The following CACNA1C variants were observed in gnomAD, a reference collection of about 807,000 sequenced individuals.
The protein encoded by CACNA1C is voltage-dependent L-type calcium channel subunit alpha-1C.
A neutral mutation model predicts 229.0 loss-of-function variants in CACNA1C; 30 were observed. The ratio of observed to expected loss-of-function variants is 0.13; its 90% CI spans 0.10 to 0.18. The LOEUF (loss-of-function observed/expected upper bound fraction) is 0.18. Among genes scored for constraint, CACNA1C ranks in the 10% least tolerant of loss-of-function variants. The probability of loss-of-function intolerance (pLI) is 1.00; values close to 1 mark genes in which losing one functional copy is unlikely to be tolerated. For missense variants in CACNA1C, 1,658 were observed against 2,845.0 expected (o/e 0.58, Z 9.49); for synonymous variants, 1,114 against 1,132.5 (o/e 0.98, Z 0.33).
intron 3 of CACNA1C, among the ~76,000 whole-genome samples, chr12:2,208,643 C>A (rs1424560210): frequency 6.6e-6 from 1 of 152,174 alleles, no homozygotes; most frequent in African/African-American, 2.4e-5. Context: ...TATTTACCAA[C>A]CCATACAGTG....
chr12:2,498,904 A>G (rs1010271333), intron 7 of CACNA1C, among the ~76,000 whole-genome samples: 4 of 152,078 alleles, frequency 2.6e-5, no homozygotes, highest in African/African-American at 9.7e-5. Flanking sequence ...ACAGCTCCCA[A>G]CCTCCCACAT....
At chr12:2,513,873 CA>C (rs1301682090) in intron 9 of CACNA1C, among the ~76,000 whole-genome samples, 1 of 152,182 alleles carries the variant, frequency 6.6e-6, no homozygotes, top group East Asian at 1.9e-4. Flanking sequence ...GATCAAGATG[CA>C]TAGTAAATTT....
At chr12:1,972,484 T>TA (rs568541883) in intron 1 of CACNA1C, among the ~76,000 whole-genome samples, 83 of 151,916 alleles carry the variant, frequency 5.5e-4, no homozygotes, top group Non-Finnish European at 1.0e-3. Flanking sequence ...CCAAGATATT[T>TA]AAAAAAAACA....
chr12:2,308,854 A>G (rs187260470), intron 3 of CACNA1C, among the ~76,000 whole-genome samples: 2 of 152,358 alleles, frequency 1.3e-5, no homozygotes, highest in East Asian at 3.9e-4. Context: ...TGATGAGGAT[A>G]TGAAAACAAG....
At chr12:2,113,346 A>G (rs1037309729) in intron 1 of CACNA1C, among the ~76,000 whole-genome samples, 3 of 152,186 alleles carry the variant, frequency 2.0e-5, no homozygotes, top group African/African-American at 4.8e-5. Flanking sequence ...AGCAGGTCAC[A>G]TGGGGAGCAA....
intron 3 of CACNA1C, among the ~76,000 whole-genome samples, chr12:2,160,819 T>A (rs905799950): frequency 1.1e-4 from 16 of 152,224 alleles, no homozygotes; most frequent in Non-Finnish European, 1.8e-4. Context: ...GGTTATTTTT[T>A]ATTTTATTAT....
chr12:2,415,756 C>T (rs2098882615), intron 3 of CACNA1C, among the ~76,000 whole-genome samples: 1 of 152,158 alleles, frequency 6.6e-6, no homozygotes, highest in African/African-American at 2.4e-5. Flanking sequence ...GCAGCTAATG[C>T]AGGAGTCCCC....
In CACNA1C at chr12:2,104,113, G is replaced by A. The variant is rs144559871; in HGVS notation, c.50-11111G>A. On this transcript the variant is annotated intron_variant, in intron 1 of 46. Transcript: ENST00000399655. ...AAGTAGTTTTTTCCAATTCTGTGAG[G>A]AAAGTCAACGGTAGCTTGATAAGGA... 6.3e-3 allele frequency among the ~76,000 whole-genome samples: 960 copies of A among 152,310 alleles called. 11 individuals carry two copies. Among genetic ancestry groups the A allele is most frequent in the African/African-American group, 0.022 (925 of 41,556 alleles).
chr12:2,513,918 T>G (rs965606701), intron 9 of CACNA1C, among the ~76,000 whole-genome samples: 1 of 152,244 alleles, frequency 6.6e-6, no homozygotes, highest in Non-Finnish European at 1.5e-5. Flanking sequence ...CCACTCTCTA[T>G]ATCTCATTTG....
At chr12:2,360,838 T>C (rs2097540109) in intron 3 of CACNA1C, among the ~76,000 whole-genome samples, 1 of 152,176 alleles carries the variant, frequency 6.6e-6, no homozygotes. Flanking sequence ...ATTCAATGTT[T>C]TTTTTTTCTT....
rs2087682026 is a variant in CACNA1C, at chr12:2,275,858, C to T, written c.477+155428C>T. 6.6e-6 allele frequency among the ~76,000 whole-genome samples: 1 copy of T among 151,066 alleles called. No homozygotes were observed. The highest frequency in any genetic ancestry group is 2.1e-4 in the South Asian group (1 of 4,744). On this transcript the variant is annotated intron_variant, in intron 3 of 46. Coordinates refer to ENST00000399655, the MANE Select transcript of CACNA1C (RefSeq NM_000719.7). This position sits in a 1 kb window ranked among gnomAD's most constrained non-coding sequence, Gnocchi z 4.1. The stretch of plus-strand genomic sequence containing the variant: ...TTGGTGAAGCTTGTCTGCAGCGAGC[C>T]CTCAAAAAACATGGGTTTTGAGCCA...
At chr12:2,158,198 A>G (rs1335287363) in intron 3 of CACNA1C, among the ~76,000 whole-genome samples, 1 of 152,238 alleles carries the variant, frequency 6.6e-6, no homozygotes, top group Non-Finnish European at 1.5e-5. Flanking sequence ...GAAATGGCTC[A>G]TTAAGTGCCC....
At chr12:2,002,299 T>C (rs545751797) in intron 1 of CACNA1C, among the ~76,000 whole-genome samples, 1 of 152,340 alleles carries the variant, frequency 6.6e-6, no homozygotes, top group African/African-American at 2.4e-5. Flanking sequence ...CCATCCACAG[T>C]GACAGCACAT....
chr12:2,667,014 C>T (rs1260519383), intron 37 of CACNA1C, among the ~76,000 whole-genome samples: 1 of 152,196 alleles, frequency 6.6e-6, no homozygotes, highest in African/African-American at 2.4e-5. Flanking sequence ...TTCAGTCCAT[C>T]CCACTGCACC....
Position 2,639,110 on chromosome 12 carries a change from G to A in CACNA1C, c.3912+4730G>A, listed in dbSNP as rs925247982. Among the ~76,000 whole-genome samples, 3 of 152,210 alleles carry A rather than the reference G, an allele frequency of 2.0e-5. No homozygotes were observed. The highest frequency in any genetic ancestry group is 2.0e-4 in the Admixed American group (3 of 15,286). ...AAGAGGACCGTCTTCAGGCCCCCTC[G>A]TGCGGTCATGCTGAATTCAGCCTCA... On this transcript the variant is annotated intron_variant, in intron 30 of 46. Transcript: ENST00000399655. The surrounding 1 kb of genome is among the most constrained non-coding windows in gnomAD (Gnocchi z 4.2).
At chr12:2,571,961 C>G (rs1397136172) in intron 13 of CACNA1C, among the ~76,000 whole-genome samples, 4 of 151,888 alleles carry the variant, frequency 2.6e-5, no homozygotes, top group African/African-American at 4.8e-5. Flanking sequence ...CAAGTGCATG[C>G]CTTCTTCTTT....
In CACNA1C at chr12:2,181,859, C is replaced by T. The variant is rs2154281697; in HGVS notation, c.477+61429C>T. ...ACACTCTGTCTCTGGCCCAGAGGAA[C>T]AGCTGGAGGATGCAGGCAAGATGTG... is the stretch of plus-strand genomic sequence containing the variant. On this transcript the variant is annotated intron_variant, in intron 3 of 46. Transcript: ENST00000399655. This position sits in a 1 kb window ranked among gnomAD's most constrained non-coding sequence, Gnocchi z 4.0. Among the ~76,000 whole-genome samples, 1 of 152,148 alleles carries T rather than the reference C, an allele frequency of 6.6e-6. No individual in the cohort carries two copies.
At chr12:2,158,272 G>C (rs1817621430) in intron 3 of CACNA1C, among the ~76,000 whole-genome samples, 1 of 152,182 alleles carries the variant, frequency 6.6e-6, no homozygotes, top group Non-Finnish European at 1.5e-5. Flanking sequence ...GAAAAGTAGG[G>C]ACAATTGGAT....
intron 3 of CACNA1C, among the ~76,000 whole-genome samples, chr12:2,196,957 C>T (rs2097423861): frequency 6.6e-6 from 1 of 152,180 alleles, no homozygotes; most frequent in African/African-American, 2.4e-5. Context: ...TCTAGGGCTT[C>T]TCAGATTTTG....
Sources: allele counts gnomAD v4.1 joint callset (sites outside exome capture counted in the v4.1 genomes callset), GRCh38; gene constraint gnomAD v4.1.1; non-coding constraint Gnocchi (gnomAD v3.1); transcripts MANE v1.5; gene names NCBI Gene and HGNC (gene_info 2026-07-23, HGNC 2026-07-21).